SCGN: variants seen among roughly 807,000 people sequenced by gnomAD.
SCGN encodes the protein secretagogin, EF-hand calcium binding protein, also known as secretagogin.
A neutral mutation model predicts 39.7 loss-of-function variants in SCGN; 30 were observed. The ratio of observed to expected loss-of-function variants is 0.76; its 90% CI spans 0.57 to 1.03. SCGN has a LOEUF of 1.03. SCGN is among the 50% of genes least tolerant of loss of function. SCGN has a pLI of 0.00. For missense variants in SCGN, 353 were observed against 349.4 expected (o/e 1.01, Z -0.08); for synonymous variants, 106 against 114.1 (o/e 0.93, Z 0.45).
At chr6:25,674,333 C>A (rs1759538825) in intron 6 of SCGN, among the ~76,000 whole-genome samples, 1 of 152,210 alleles carries the variant, frequency 6.6e-6, no homozygotes, top group Non-Finnish European at 1.5e-5. Flanking sequence ...TTTCATTTTT[C>A]TTCCCTAAGT....
intron 6 of SCGN, 75 bp downstream of exon 6, chr6:25,670,151 C>A: frequency 2.0e-6 from 2 of 1,008,818 alleles, no homozygotes; most frequent in Non-Finnish European, 3.1e-6. Flanking sequence ...ACAGTGTCTG[C>A]TAGAGAGTTC....
chr6:25,654,368 G>A (rs1226852155), intron 2 of SCGN, among the ~76,000 whole-genome samples: 5 of 152,156 alleles, frequency 3.3e-5, no homozygotes, highest in African/African-American at 1.2e-4. Flanking sequence ...GCTGGCTTCC[G>A]CCTTCTTCAG....
At chr6:25,696,835 C>T (rs960867905) in intron 10 of SCGN, among the ~76,000 whole-genome samples, 3 of 152,100 alleles carry the variant, frequency 2.0e-5, no homozygotes, top group African/African-American at 4.8e-5. Context: ...TATATGTTTT[C>T]GCATTATTAT....
At chr6:25,682,840 G>C (rs1186473503) in intron 7 of SCGN, among the ~76,000 whole-genome samples, 1 of 152,166 alleles carries the variant, frequency 6.6e-6, no homozygotes, top group Non-Finnish European at 1.5e-5. Flanking sequence ...ACTCGACAAA[G>C]TCACAAGAAG....
At chr6:25,653,595 C>T (rs370503944) in intron 2 of SCGN, 143 bp downstream of exon 2, 6 of 626,694 alleles carry the variant, frequency 9.6e-6, no homozygotes, top group African/African-American at 9.2e-5. Flanking sequence ...CTCCTAGCAA[C>T]ATAGAGGGAT....
intron 6 of SCGN, among the ~76,000 whole-genome samples, chr6:25,674,466 T>A (rs1269548210): frequency 2.0e-5 from 3 of 152,200 alleles, no homozygotes; most frequent in African/African-American, 7.2e-5. Context: ...CTTAACTTTT[T>A]AGAAAATGAC....
chr6:25,685,810 T>G (rs1034746998), intron 7 of SCGN, among the ~76,000 whole-genome samples: 1 of 152,178 alleles, frequency 6.6e-6, no homozygotes, highest in African/African-American at 2.4e-5. Flanking sequence ...TTTAAGATAT[T>G]CATAAGGTTG....
At position 25,701,610 on chromosome 6, in the gene SCGN, C is replaced by G. The variant is rs1759914201; in HGVS notation, c.*275C>G. 1 of 281,438 alleles carries G rather than the reference C, an allele frequency of 3.6e-6. No homozygotes were observed. The highest frequency in any genetic ancestry group is 6.6e-6 in the Non-Finnish European group (1 of 152,414). The allele number at this position is 281,438 out of a possible 1,614,324, so 17.4% of individuals were successfully genotyped here. On this transcript the variant is annotated 3_prime_UTR_variant, in exon 11 of 11. Coordinates refer to ENST00000377961, the MANE Select transcript of SCGN (RefSeq NM_006998.4). ...TCCCCTGTTAGATGGCTCTGCCTGT[C>G]CTTCCCCAGTCACCAGGGTGGGGGG...
intron 2 of SCGN, 84 bp from the exon 3 acceptor site, chr6:25,661,468 G>T (rs895941056): frequency 7.7e-6 from 7 of 908,890 alleles, no homozygotes; most frequent in Admixed American, 2.0e-5. Flanking sequence ...TAATTTTCAC[G>T]CTGTATATTT....
intron 4 of SCGN, among the ~76,000 whole-genome samples, chr6:25,665,562 C>A (rs1479915256): frequency 1.2e-4 from 18 of 152,188 alleles, no homozygotes; most frequent in Admixed American, 1.2e-3. Context: ...TCAATGGCCT[C>A]TCTTACCGCT....
intron 3 of SCGN, 29 bp downstream of exon 3, chr6:25,661,673 C>G (rs771630344): frequency 2.1e-5 from 29 of 1,405,014 alleles, no homozygotes; most frequent in Non-Finnish European, 2.4e-5. Context: ...TTTTTCATGG[C>G]TCTACTCTTC....
chr6:25,680,520 C>T (rs1199201146), intron 6 of SCGN, among the ~76,000 whole-genome samples: 2 of 152,156 alleles, frequency 1.3e-5, no homozygotes, highest in African/African-American at 4.8e-5. Context: ...CAATTTCGAG[C>T]ACAGGATTGT....
chr6:25,683,396 C>A (rs1466420715), intron 7 of SCGN, among the ~76,000 whole-genome samples: 1 of 152,192 alleles, frequency 6.6e-6, no homozygotes, highest in African/African-American at 2.4e-5. Context: ...TCCACCTGTG[C>A]CCTGACTCAG....
At chr6:25,694,416 C>T (rs542780512) in intron 10 of SCGN, among the ~76,000 whole-genome samples, 7 of 152,304 alleles carry the variant, frequency 4.6e-5, no homozygotes, top group South Asian at 2.1e-4. Flanking sequence ...TAGTTGGAAG[C>T]AGAGATCAGC....
rs373720845 is a variant in SCGN, at chr6:25,669,619, T to C, written c.393+52T>C. The C allele has an allele frequency of 2.2e-5, 32 of 1,467,208 alleles. No homozygotes were observed. In the African/African-American group the frequency reaches 3.0e-4, roughly 14 times the overall value. 90.9% of individuals were successfully genotyped at this position (1,467,208 alleles called of 1,614,324 possible). A position where few individuals can be genotyped will look rare whatever the true frequency, so the allele number is the denominator to read the frequency against. ...TTTGTTTATCATTGGGAATTTGATA[T>C]GTGTGTATCATGAGTTTGATTTCTG... On this transcript the variant is annotated intron_variant, in intron 5 of 10. Transcript: ENST00000377961.
chr6:25,683,338 GA>G (rs1331850238), intron 7 of SCGN, among the ~76,000 whole-genome samples: 2 of 152,182 alleles, frequency 1.3e-5, no homozygotes, highest in African/African-American at 4.8e-5. Context: ...CAATCTAGAT[GA>G]AAACAAAAGC....
intron 4 of SCGN, among the ~76,000 whole-genome samples, chr6:25,666,886 T>C (rs1760433277): frequency 6.6e-6 from 1 of 152,188 alleles, no homozygotes; most frequent in African/African-American, 2.4e-5. Context: ...CATAATTATT[T>C]AAAATTTATT....
intron 3 of SCGN, 58 bp from the exon 4 acceptor site, chr6:25,664,885 C>T (rs1157627473): frequency 7.6e-7 from 1 of 1,310,520 alleles, no homozygotes; most frequent in Non-Finnish European, 1.1e-6. Context: ...TACCAGGGAG[C>T]ACTCTTGAAA....
intron 2 of SCGN, 74 bp downstream of exon 2, chr6:25,653,526 G>A (rs1320850195): frequency 1.9e-5 from 21 of 1,102,072 alleles, no homozygotes; most frequent in Non-Finnish European, 2.7e-5. Context: ...ATATTGATTG[G>A]TACCTATTAA....
Sources: allele counts gnomAD v4.1 joint callset (sites outside exome capture counted in the v4.1 genomes callset), GRCh38; gene constraint gnomAD v4.1.1; transcripts MANE v1.5; gene names NCBI Gene and HGNC (gene_info 2026-07-23, HGNC 2026-07-21).